PPP2R2B: variants seen among roughly 807,000 people sequenced by gnomAD.
The protein encoded by PPP2R2B is serine/threonine-protein phosphatase 2A 55 kDa regulatory subunit B beta isoform.
PPP2R2B carries 5 observed loss-of-function variants against 46.0 expected under a neutral mutation model. The observed-to-expected ratio is 0.11, with a 90% CI of 0.06 to 0.23. PPP2R2B has a LOEUF of 0.23. Among genes scored for constraint, PPP2R2B ranks in the 10% least tolerant of loss-of-function variants. The pLI is 1.00. For missense variants in PPP2R2B, 367 were observed against 575.0 expected, an observed-to-expected ratio of 0.64 and a Z score of 3.70; for synonymous variants, 215 against 206.7, an observed-to-expected ratio of 1.04 and a Z score of -0.34.
intron 4 of PPP2R2B, among the ~76,000 whole-genome samples, chr5:146,696,534 T>G (rs1779194103): frequency 6.6e-6 from 1 of 152,240 alleles, no homozygotes; most frequent in Non-Finnish European, 1.5e-5. Context: ...GAAGTCTCTT[T>G]TATTCCAAGT....
intron 1 of PPP2R2B, among the ~76,000 whole-genome samples, chr5:146,891,064 C>T (rs1044220233): frequency 2.6e-5 from 4 of 152,104 alleles, no homozygotes; most frequent in African/African-American, 7.2e-5. Flanking sequence ...CAAATTTTTT[C>T]GTAGAGAATA....
At chr5:146,727,506 T>C (rs181311330) in intron 2 of PPP2R2B, among the ~76,000 whole-genome samples, 21 of 152,066 alleles carry the variant, frequency 1.4e-4, no homozygotes, top group African/African-American at 4.6e-4. Context: ...ATAATAAACA[T>C]TGGAGACTTC....
chr5:146,862,013 T>A (rs1761036056), intron 2 of PPP2R2B, among the ~76,000 whole-genome samples: 1 of 152,032 alleles, frequency 6.6e-6, no homozygotes, highest in South Asian at 2.1e-4. Flanking sequence ...GGTTAAAGAG[T>A]GAAAGAACAC....
chr5:146,727,672 A>G lies in PPP2R2B; in HGVS notation c.71-26530T>C, dbSNP rs532546860. 1.7e-4 allele frequency among the ~76,000 whole-genome samples: 26 copies of G among 152,252 alleles called. No homozygotes were observed. The South Asian group carries it at 5.4e-3, about 32-fold the overall frequency. ...CACTTGTACCCGTAAGTCAAAAAGA[A>G]ATTTTAAAAAAATTATAAAAAATAA... On this transcript the variant is annotated intron_variant, in intron 2 of 9. Coordinates refer to ENST00000394411, the MANE Select transcript of PPP2R2B (RefSeq NM_181675.4).
chr5:146,723,843 C>G (rs895420530), intron 2 of PPP2R2B, among the ~76,000 whole-genome samples: 1 of 152,134 alleles, frequency 6.6e-6, no homozygotes, highest in African/African-American at 2.4e-5. Context: ...AGCTCCTCCC[C>G]CTCTTGGAGG....
At chr5:146,647,727 C>A (rs1390019386) in intron 6 of PPP2R2B, among the ~76,000 whole-genome samples, 1 of 152,176 alleles carries the variant, frequency 6.6e-6, no homozygotes, top group Non-Finnish European at 1.5e-5. Flanking sequence ...AACATGTCAC[C>A]TAGACTGGGG....
chr5:146,853,759 T>C (rs1416188652), intron 2 of PPP2R2B, among the ~76,000 whole-genome samples: 1 of 152,100 alleles, frequency 6.6e-6, no homozygotes, highest in Non-Finnish European at 1.5e-5. Flanking sequence ...GATAGACTTT[T>C]TCCTGAAGTC....
intron 6 of PPP2R2B, among the ~76,000 whole-genome samples, chr5:146,649,305 G>C (rs1433205553): frequency 6.6e-6 from 1 of 152,030 alleles, no homozygotes; most frequent in Non-Finnish European, 1.5e-5. Context: ...TCATGCCTTA[G>C]GTTTGTGAGA....
At chr5:146,733,510 A>G (rs140396422) in intron 2 of PPP2R2B, among the ~76,000 whole-genome samples, 115 of 152,368 alleles carry the variant, frequency 7.5e-4, no homozygotes, top group African/African-American at 2.6e-3. Flanking sequence ...TTCAGTAAGA[A>G]GTATGTGAAC....
At chr5:146,783,338 G>C (rs1755648616) in intron 2 of PPP2R2B, among the ~76,000 whole-genome samples, 1 of 152,152 alleles carries the variant, frequency 6.6e-6, no homozygotes, top group South Asian at 2.1e-4. Context: ...ATAAGTTACA[G>C]TGTGGTATAG....
At chr5:146,698,423 T>C (rs1004057770) in intron 3 of PPP2R2B, among the ~76,000 whole-genome samples, 1 of 147,556 alleles carries the variant, frequency 6.8e-6, no homozygotes, top group African/African-American at 2.5e-5. Flanking sequence ...CATAGAAATA[T>C]TAAAATAGAA....
chr5:146,587,039 C>T lies in PPP2R2B; in HGVS notation c.*2908G>A, dbSNP rs1461393813. ...ACCCTCCAGTTGTAATCTGATGGCT[C>T]TTACCAAGCAGCAGGCCTTGTGGGG... On this transcript the variant is annotated 3_prime_UTR_variant, in exon 10 of 10. Coordinates refer to ENST00000394411, the MANE Select transcript of PPP2R2B (RefSeq NM_181675.4). 6.6e-6 allele frequency: 1 copy of T among 152,164 alleles called. No homozygotes were observed. Among genetic ancestry groups the T allele is most frequent in the African/African-American group, 2.4e-5 (1 of 41,440 alleles). The allele number at this position is 152,164 out of a possible 1,614,324, so 9.4% of individuals were successfully genotyped here.
chr5:146,673,051 T>C (rs1777476212), intron 5 of PPP2R2B, among the ~76,000 whole-genome samples: 2 of 152,248 alleles, frequency 1.3e-5, no homozygotes, highest in South Asian at 4.1e-4. Context: ...CTTCTGTTCA[T>C]ACATTTTTCT....
chr5:146,656,979 C>T (rs905020468), intron 5 of PPP2R2B, among the ~76,000 whole-genome samples: 9 of 152,194 alleles, frequency 5.9e-5, no homozygotes, highest in Non-Finnish European at 1.2e-4. Flanking sequence ...CTTCCCAGAA[C>T]GCATTTACTA....
chr5:146,942,909 T>A (rs1764367001), intron 1 of PPP2R2B, among the ~76,000 whole-genome samples: 1 of 151,988 alleles, frequency 6.6e-6, no homozygotes, highest in African/African-American at 2.4e-5. Flanking sequence ...ACCATTCTAC[T>A]GCCTCAGTCT....
intron 2 of PPP2R2B, among the ~76,000 whole-genome samples, chr5:146,848,841 A>G (rs922585445): frequency 1.4e-5 from 2 of 147,004 alleles, no homozygotes; most frequent in African/African-American, 5.4e-5. Context: ...TCTGCATGGG[A>G]GATTTTCTCC....
chr5:146,927,308 G>A (rs1763814172), intron 1 of PPP2R2B, among the ~76,000 whole-genome samples: 2 of 152,024 alleles, frequency 1.3e-5, no homozygotes, highest in African/African-American at 2.4e-5. Flanking sequence ...CTTTGCCTTG[G>A]GTTTTGACTC....
exon 1 of PPP2R2B, chr5:147,055,673 T>A: frequency 6.2e-7 from 1 of 1,607,954 alleles, no homozygotes; most frequent in Non-Finnish European, 8.5e-7. Context: ...ACCTTCTGTG[T>A]GGCAGCTGGA....
At chr5:146,707,502 T>C in intron 2 of PPP2R2B, 1 of 737,868 alleles carries the variant, frequency 1.4e-6, no homozygotes, top group Non-Finnish European at 2.5e-6. Context: ...CTCAAGGAGC[T>C]GATGCAGACA....
Sources: gnomAD v4.1 joint callset for allele counts (sites outside exome capture counted in the v4.1 genomes callset) on GRCh38, gnomAD v4.1.1 for gene constraint, MANE v1.5 for transcripts, NCBI Gene and HGNC (gene_info 2026-07-23, HGNC 2026-07-21) for gene names.